Variants in SEC14L5 observed in about 807,000 individuals in gnomAD.
SEC14L5 encodes SEC14-like protein 5.
A neutral mutation model predicts 84.6 loss-of-function variants in SEC14L5; 96 were observed. That is an observed-to-expected ratio of 1.13 (90% CI 0.96 to 1.34). The LOEUF is 1.34. SEC14L5 is among the 40% of genes most tolerant of loss of function. The probability of loss-of-function intolerance (pLI) is 0.00; values close to 1 mark genes in which losing one functional copy is unlikely to be tolerated. For synonymous variants in SEC14L5, 546 were observed against 383.4 expected, an observed-to-expected ratio of 1.42 and a Z score of -4.95; for missense variants, 1,224 against 942.5, an observed-to-expected ratio of 1.30 and a Z score of -3.91.
In SEC14L5 at chr16:5,007,465, G is replaced by T; in HGVS notation, c.1551G>T (p.Val517=). 1 of 1,613,618 alleles carries T rather than the reference G, an allele frequency of 6.2e-7. No individual in the cohort carries two copies. The highest frequency in any genetic ancestry group is 8.5e-7 in the Non-Finnish European group (1 of 1,179,844). The change falls in exon 13 of 16, where the codon GTG becomes GTT. Residue 517 remains valine, a synonymous_variant. Transcript: ENST00000251170. ...GTGAGACCTACCATTCAGCCAGCGT[G>T]CTCCGCGGAGCCCCCCACGAGGTGC... is the stretch of plus-strand genomic sequence containing the variant. ...QWSETYHSAS[V]LRGAPHEVAV... is the part of the protein sequence containing the mutation.
chr16:5,014,461 G>C (rs967489432), intron 15 of SEC14L5, among the ~76,000 whole-genome samples: 1 of 152,240 alleles, frequency 6.6e-6, no homozygotes, highest in Non-Finnish European at 1.5e-5. Context: ...GCTGGGGGAG[G>C]AGAGAATGGG....
intron 2 of SEC14L5, among the ~76,000 whole-genome samples, chr16:4,981,325 T>C (rs183709197): frequency 1.9e-3 from 270 of 144,444 alleles, no homozygotes; most frequent in African/African-American, 6.6e-3. Flanking sequence ...TTGGCCAGGC[T>C]GGTCTTGAAC....
intron 11 of SEC14L5, among the ~76,000 whole-genome samples, chr16:5,003,800 T>G (rs1021247121): frequency 3.9e-5 from 6 of 152,212 alleles, no homozygotes; most frequent in African/African-American, 1.4e-4. Flanking sequence ...CCCAGAACAT[T>G]TCTGTCGCCC....
At chr16:4,975,406 G>A (rs1955328058) in intron 2 of SEC14L5, among the ~76,000 whole-genome samples, 2 of 145,328 alleles carry the variant, frequency 1.4e-5, no homozygotes, top group Non-Finnish European at 3.0e-5. Context: ...CCGGGAGGCA[G>A]AGCTTGCAGT....
rs771243834 is a variant in SEC14L5 at position 5,001,043 on chromosome 16, G to T, written c.1130+118G>T. 1.3e-5 allele frequency: 10 copies of T among 780,570 alleles called. No homozygotes were observed. The East Asian group carries it at 2.4e-4, about 19-fold the overall frequency. 48.4% of individuals were successfully genotyped at this position (780,570 alleles called of 1,614,324 possible). A position where few individuals can be genotyped will look rare whatever the true frequency, so the allele number is the denominator to read the frequency against. Reference sequence around the variant, plus strand: ...GTGCCAGGGGCTTCATTCTCCCCCAGTTTCTACAGTGGTCTTCTGGGCCTT... The same window carrying T: ...GTGCCAGGGGCTTCATTCTCCCCCATTTTCTACAGTGGTCTTCTGGGCCTT... On this transcript the variant is annotated intron_variant, in intron 10 of 15. Coordinates refer to ENST00000251170, the MANE Select transcript of SEC14L5 (RefSeq NM_014692.2).
In SEC14L5 at chr16:4,990,083, A is replaced by G. The variant is rs545974405; in HGVS notation, c.346-684A>G. On this transcript the variant is annotated intron_variant, in intron 4 of 15. Transcript: ENST00000251170. ...TAATATACAACTATTTAAAAAATCT[A>G]TATCTAAATTTTATGTGTAATATTG... Among the ~76,000 whole-genome samples, 17 of 151,558 alleles carry G rather than the reference A, an allele frequency of 1.1e-4. No homozygotes were observed. In the East Asian group the frequency reaches 1.2e-3, roughly 10 times the overall value.
chr16:4,993,172 A>C (rs1955570420), intron 6 of SEC14L5, among the ~76,000 whole-genome samples: 1 of 152,166 alleles, frequency 6.6e-6, no homozygotes, highest in South Asian at 2.1e-4. Flanking sequence ...CTTCCTGAGT[A>C]GCTGGGACTA....
At position 4,996,427 on chromosome 16, in the gene SEC14L5, T is replaced by G; in HGVS notation, c.747T>G (p.Leu249=). The G allele has an allele frequency of 6.4e-7, 1 of 1,572,586 alleles. No individual in the cohort carries two copies. The highest frequency in any genetic ancestry group is 8.6e-7 in the Non-Finnish European group (1 of 1,159,742). The change falls in exon 7 of 16, where the codon CTT becomes CTG. Residue 249 remains leucine, a synonymous_variant. Coordinates refer to ENST00000251170, the MANE Select transcript of SEC14L5 (RefSeq NM_014692.2). ...TPMQESCLIQ[L]RHWLQETHKG... is the part of the protein sequence containing the mutation. Reference sequence around the variant, plus strand: ...TGCAGGAGAGCTGCCTGATCCAGCTTCGGCACTGGTTACAGGAGACCCACA... The same window carrying G: ...TGCAGGAGAGCTGCCTGATCCAGCTGCGGCACTGGTTACAGGAGACCCACA...
Position 5,011,419 on chromosome 16 carries a change from C to T in SEC14L5, c.1979+146C>T, listed in dbSNP as rs187151975. 4 of 723,248 alleles carry T rather than the reference C, an allele frequency of 5.5e-6. No individual in the cohort carries two copies. In the East Asian group the frequency reaches 8.2e-5, roughly 15 times the overall value. The allele number at this position is 723,248 out of a possible 1,614,324, so 44.8% of individuals were successfully genotyped here. A position where few individuals can be genotyped will look rare whatever the true frequency, so the allele number is the denominator to read the frequency against. ...GGGTATGGTTGGAGTTCTCAGGTGA[C>T]ACAGCCCCGCACTAGGGTGTGAGGA... On this transcript the variant is annotated intron_variant, in intron 15 of 15. Transcript: ENST00000251170.
rs765443934 is a variant in SEC14L5, at chr16:5,000,891, G to C, written c.1096G>C (p.Glu366Gln). ...SVNEEGQKRC[E>Q]GSTRQLGRPI... is the part of the protein sequence containing the mutation. ...CAACGAGGAAGGACAGAAGCGGTGT[G>C]AGGGGAGCACAAGGCAGCTGGGCCG... The change falls in exon 10 of 16, where the codon GAG (glutamate) becomes CAG (glutamine). Residue 366 changes from glutamate (E) to glutamine (Q), a missense_variant. Physicochemically the swap from Glu to Gln is conservative, Grantham distance 29. Transcript: ENST00000251170. 3 of 1,609,328 alleles carry C rather than the reference G, an allele frequency of 1.9e-6. No individual in the cohort carries two copies. In the South Asian group the frequency reaches 3.3e-5, roughly 18 times the overall value.
chr16:4,980,338 A>T lies in SEC14L5; in HGVS notation c.64-7219A>T, dbSNP rs535515631. Reference sequence around the variant, plus strand: ...TCTGTCACTGGATACTGGGAGAAGTACCTTCCTTTCCTTTCGAAGTCAGAG... The same window carrying T: ...TCTGTCACTGGATACTGGGAGAAGTTCCTTCCTTTCCTTTCGAAGTCAGAG... On this transcript the variant is annotated intron_variant, in intron 2 of 15. Coordinates refer to ENST00000251170, the MANE Select transcript of SEC14L5 (RefSeq NM_014692.2). Among the ~76,000 whole-genome samples, 9 of 152,262 alleles carry T rather than the reference A, an allele frequency of 5.9e-5. No homozygotes were observed. The South Asian group carries it at 1.0e-3, about 18-fold the overall frequency.
At chr16:4,999,935 A>C (rs1362062502) in intron 8 of SEC14L5, among the ~76,000 whole-genome samples, 2 of 152,024 alleles carry the variant, frequency 1.3e-5, no homozygotes, top group Admixed American at 6.6e-5. Flanking sequence ...AAATCAACCA[A>C]CTAACAAACC....
chr16:4,987,716 C>A lies in SEC14L5; in HGVS notation c.213+10C>A. The stretch of plus-strand genomic sequence containing the variant: ...GCGGCTGCTGCGGAAGGTGGGCGGC[C>A]CTGGGGCTGGGGGGCGGAGGAGGGG... On this transcript the variant is annotated intron_variant, in intron 3 of 15. Transcript: ENST00000251170. The A allele has an allele frequency of 6.7e-7, 1 of 1,496,944 alleles. No individual in the cohort carries two copies. Among genetic ancestry groups the A allele is most frequent in the South Asian group, 1.3e-5 (1 of 76,506 alleles). The allele number at this position is 1,496,944 out of a possible 1,614,324, so 92.7% of individuals were successfully genotyped here. A position where few individuals can be genotyped will look rare whatever the true frequency, so the allele number is the denominator to read the frequency against.
At chr16:5,007,793 A>G (rs1955749484) in intron 13 of SEC14L5, among the ~76,000 whole-genome samples, 1 of 147,984 alleles carries the variant, frequency 6.8e-6, no homozygotes, top group Admixed American at 6.8e-5. Context: ...TTTAGTAGAG[A>G]CGGGTTTTCG....
At chr16:5,013,755 G>C (rs1410552303) in intron 15 of SEC14L5, among the ~76,000 whole-genome samples, 2 of 151,808 alleles carry the variant, frequency 1.3e-5, no homozygotes, top group Non-Finnish European at 2.9e-5. Flanking sequence ...GACAGGTTTC[G>C]CCATGTTAGC....
intron 2 of SEC14L5, among the ~76,000 whole-genome samples, chr16:4,984,911 C>G (rs1273878276): frequency 2.0e-5 from 3 of 152,116 alleles, no homozygotes; most frequent in African/African-American, 7.2e-5. Context: ...AATTCTAACA[C>G]TCGTTTATAC....
intron 6 of SEC14L5, among the ~76,000 whole-genome samples, chr16:4,993,222 C>A (rs1955571312): frequency 1.3e-5 from 2 of 151,852 alleles, no homozygotes; most frequent in African/African-American, 4.8e-5. Flanking sequence ...TTTATTTTTA[C>A]TTTTATTTTA....
chr16:4,998,737 CAAAAAAAAAAAA>C (rs60494025), intron 8 of SEC14L5, among the ~76,000 whole-genome samples: 30 of 94,040 alleles, frequency 3.2e-4, no homozygotes, highest in Non-Finnish European at 2.0e-4. Flanking sequence ...GACTCCGTCT[CAAAAAAAAAAAA>C]AAAAAAAAAA....
intron 2 of SEC14L5, among the ~76,000 whole-genome samples, chr16:4,970,301 G>C (rs73522959): frequency 0.031 from 4,672 of 152,212 alleles, 220 homozygotes; most frequent in African/African-American, 0.11. Flanking sequence ...TGAGAGTTGC[G>C]GGGAAGCAGG....
Sources: gnomAD v4.1 joint callset for allele counts (sites outside exome capture counted in the v4.1 genomes callset) on GRCh38, gnomAD v4.1.1 for gene constraint, MANE v1.5 for transcripts, NCBI Gene and HGNC (gene_info 2026-07-23, HGNC 2026-07-21) for gene names.